The following FNBP1 variants were observed in gnomAD, a reference collection of about 807,000 sequenced individuals.
The protein encoded by FNBP1 is formin-binding protein 1.
FNBP1 carries 26 observed loss-of-function variants against 90.6 expected under a neutral mutation model. The ratio of observed to expected loss-of-function variants is 0.29; its 90% CI spans 0.21 to 0.40. The LOEUF (loss-of-function observed/expected upper bound fraction) is 0.40, where lower values mean the gene tolerates loss of function less well. FNBP1 is among the 10% of genes least tolerant of loss of function. The probability of loss-of-function intolerance (pLI) is 1.00; values close to 1 mark genes in which losing one functional copy is unlikely to be tolerated. For missense variants in FNBP1, 635 were observed against 768.0 expected (o/e 0.83, Z 2.05); for synonymous variants, 260 against 265.2 (o/e 0.98, Z 0.19).
chr9:130,049,841 C>T, the FNBP1 span, among the ~76,000 whole-genome samples: 1 of 152,060 alleles, frequency 6.6e-6, no homozygotes, highest in Non-Finnish European at 1.5e-5. Flanking sequence ...GAAAATAAAG[C>T]AATCCTTTCA....
At chr9:129,955,636 A>C (rs1392504843) in intron 6 of FNBP1, among the ~76,000 whole-genome samples, 2 of 151,918 alleles carry the variant, frequency 1.3e-5, no homozygotes, top group Non-Finnish European at 2.9e-5. Context: ...CAGGAGGATC[A>C]CTTGAGCCCT....
At position 129,890,640 on chromosome 9, in the gene FNBP1, C is replaced by T; in HGVS notation, c.1847-94G>A. The T allele has an allele frequency of 1.1e-6, 1 of 932,980 alleles. No individual in the cohort carries two copies. The highest frequency in any genetic ancestry group is 2.6e-5 in the East Asian group (1 of 38,022). The allele number at this position is 932,980 out of a possible 1,614,324, so 57.8% of individuals were successfully genotyped here. A position where few individuals can be genotyped will look rare whatever the true frequency, so the allele number is the denominator to read the frequency against. On this transcript the variant is annotated intron_variant, in intron 16 of 16. Coordinates refer to ENST00000446176, the MANE Select transcript of FNBP1 (RefSeq NM_015033.3). This position sits in a 1 kb window ranked among gnomAD's most constrained non-coding sequence, Gnocchi z 5.8. ...ATTTTGCTCTTGGCTACAAACTGCACCGCCCTGGGAGGGGAGGGTAGTGGG... is the reference window on the plus strand; with the variant it reads ...ATTTTGCTCTTGGCTACAAACTGCATCGCCCTGGGAGGGGAGGGTAGTGGG...
At chr9:129,910,480 TCAAAAAAA>T (rs1169428801) in intron 11 of FNBP1, among the ~76,000 whole-genome samples, 7 of 8,936 alleles carry the variant, frequency 7.8e-4, no homozygotes, top group East Asian at 5.8e-3. Flanking sequence ...AGACTCCATC[TCAAAAAAA>T]CAAAAAAAAA....
At chr9:130,032,662 G>C (rs2058905660) in intron 1 of FNBP1, among the ~76,000 whole-genome samples, 2 of 151,832 alleles carry the variant, frequency 1.3e-5, no homozygotes, top group South Asian at 4.2e-4. Flanking sequence ...TAAGCTGATA[G>C]GCAGAATAAT....
chr9:129,994,264 A>G (rs965912791), intron 2 of FNBP1, among the ~76,000 whole-genome samples: 3 of 152,218 alleles, frequency 2.0e-5, no homozygotes, highest in Non-Finnish European at 4.4e-5. Context: ...ATGCTACCAC[A>G]TGGTCAATCT....
In FNBP1 at chr9:130,034,229, C is replaced by A. The variant is rs550662434; in HGVS notation, c.24+8723G>T. Among the ~76,000 whole-genome samples the A allele has an allele frequency of 1.4e-3, 209 of 151,144 alleles. 5 individuals carry two copies. In the South Asian group the frequency reaches 0.031, roughly 22 times the overall value. ...TCGGGAGGTTGAAGCAGGAGGATCG[C>A]TTGAACTCGGGAGGCGGAGATTGCA... On this transcript the variant is annotated intron_variant, in intron 1 of 16. Transcript: ENST00000446176.
At chr9:129,968,022 G>T (rs1034738384) in intron 4 of FNBP1, among the ~76,000 whole-genome samples, 1 of 151,714 alleles carries the variant, frequency 6.6e-6, no homozygotes, top group Non-Finnish European at 1.5e-5. Flanking sequence ...CAGACCAGTG[G>T]TTTTGCAGGT....
intron 15 of FNBP1, among the ~76,000 whole-genome samples, chr9:129,899,292 G>C (rs963220879): frequency 1.3e-5 from 2 of 151,944 alleles, no homozygotes; most frequent in Admixed American, 6.6e-5. Flanking sequence ...TGGCGAGGCT[G>C]GTCTTGAACT....
At chr9:129,913,347 T>C (rs1028000883) in intron 11 of FNBP1, among the ~76,000 whole-genome samples, 1 of 152,142 alleles carries the variant, frequency 6.6e-6, no homozygotes, top group Non-Finnish European at 1.5e-5. Flanking sequence ...TGATAACTTA[T>C]AAATAGATAA....
intron 8 of FNBP1, among the ~76,000 whole-genome samples, chr9:129,926,817 T>C (rs1588605854): frequency 6.9e-6 from 1 of 144,616 alleles, no homozygotes; most frequent in Admixed American, 7.1e-5. Context: ...ACCCGGGAGG[T>C]GGAGGTTGCA....
chr9:129,975,639 C>T (rs1188357839), intron 4 of FNBP1, among the ~76,000 whole-genome samples: 2 of 152,050 alleles, frequency 1.3e-5, no homozygotes, highest in African/African-American at 4.8e-5. Flanking sequence ...CGGTGGCTCA[C>T]GCTTGTAATC....
intron 8 of FNBP1, among the ~76,000 whole-genome samples, chr9:129,926,644 T>C (rs937725648): frequency 2.0e-5 from 3 of 151,970 alleles, no homozygotes; most frequent in Non-Finnish European, 4.4e-5. Context: ...CCTAACACTT[T>C]GGGAGGCTGA....
chr9:129,967,342 C>T (rs1454089885), intron 4 of FNBP1, among the ~76,000 whole-genome samples: 2 of 152,172 alleles, frequency 1.3e-5, no homozygotes, highest in Admixed American at 6.5e-5. Flanking sequence ...ATGGCAAAAT[C>T]CCGTCTCTAT....
rs533212014 is a variant in FNBP1 at position 129,908,166 on chromosome 9, A to G, written c.1295+724T>C. ...GCTACTTTTGTTTATTTTTGTAGAG[A>G]TGGGGTCTCACTATGTTGCCAAGGC... On this transcript the variant is annotated intron_variant, in intron 12 of 16. Transcript: ENST00000446176. Among the ~76,000 whole-genome samples, 646 of 147,340 alleles carry G rather than the reference A, an allele frequency of 4.4e-3. 3 individuals carry two copies. The highest frequency in any genetic ancestry group is 0.015 in the African/African-American group (614 of 39,802).
upstream of FNBP1, chr9:130,043,228 GGGGGAGGGGCGGGA>G (rs1051600673): frequency 5.5e-5 from 18 of 329,408 alleles, no homozygotes; most frequent in Admixed American, 9.8e-5. Context: ...CCCGGAGAGC[GGGGGAGGGGCGGGA>G]GGGGAGGGGC....
chr9:129,967,564 C>T (rs1182309999), intron 4 of FNBP1, among the ~76,000 whole-genome samples: 2 of 152,060 alleles, frequency 1.3e-5, no homozygotes, highest in Non-Finnish European at 2.9e-5. Context: ...CACTGCACTA[C>T]ACCACTCTGG....
At chr9:129,907,799 G>C (rs2038426859) in intron 12 of FNBP1, among the ~76,000 whole-genome samples, 1 of 152,078 alleles carries the variant, frequency 6.6e-6, no homozygotes, top group Non-Finnish European at 1.5e-5. Context: ...CGCAATCTCG[G>C]CTCACTGCAA....
intron 1 of FNBP1, among the ~76,000 whole-genome samples, chr9:130,028,680 T>C (rs888702702): frequency 6.6e-6 from 1 of 152,200 alleles, no homozygotes; most frequent in Non-Finnish European, 1.5e-5. Flanking sequence ...GTAAACACTT[T>C]GGCAAACAGA....
chr9:129,921,334 T>C lies in FNBP1; in HGVS notation c.1170+2510A>G, dbSNP rs2041057084. 2.0e-5 allele frequency among the ~76,000 whole-genome samples: 3 copies of C among 151,754 alleles called. No individual in the cohort carries two copies. In the South Asian group the frequency reaches 6.2e-4, roughly 31 times the overall value. On this transcript the variant is annotated intron_variant, in intron 10 of 16. Coordinates refer to ENST00000446176, the MANE Select transcript of FNBP1 (RefSeq NM_015033.3). ...TGGCTGGGCTCCAGCAATCCTCTCA[T>C]CCCAGCCTCCGCTAGGACTACAGGC...
Sources: allele counts gnomAD v4.1 joint callset (sites outside exome capture counted in the v4.1 genomes callset), GRCh38; gene constraint gnomAD v4.1.1; non-coding constraint Gnocchi (gnomAD v3.1); transcripts MANE v1.5; gene names NCBI Gene and HGNC (gene_info 2026-07-23, HGNC 2026-07-21).